Variants in CHLSN observed in about 807,000 individuals in gnomAD.
The protein encoded by CHLSN is cholesin.
the CHLSN span, among the ~76,000 whole-genome samples, chr7:1,038,251 A>G: frequency 1.3e-5 from 1 of 76,478 alleles, no homozygotes; most frequent in Admixed American, 1.3e-4. Context: ...TCCGGGAGGG[A>G]GGTGGGGGGG....
At chr7:1,035,497 C>G in the CHLSN span, among the ~76,000 whole-genome samples, 13 of 152,324 alleles carry the variant, frequency 8.5e-5, no homozygotes, top group East Asian at 2.3e-3. Context: ...CAATAAACCT[C>G]GAACCAAAGA....
At chr7:1,077,248 C>T in the CHLSN span, among the ~76,000 whole-genome samples, 1,059 of 152,330 alleles carry the variant, frequency 7.0e-3, 36 homozygotes, top group Admixed American at 0.057. Flanking sequence ...CTCCGCCTCC[C>T]GGGTTCACAC....
the CHLSN span, among the ~76,000 whole-genome samples, chr7:1,109,731 A>C: frequency 7.1e-6 from 1 of 141,028 alleles, no homozygotes; most frequent in African/African-American, 2.7e-5. Flanking sequence ...CTCCCCACTC[A>C]CCCCTCCGTG....
the CHLSN span, among the ~76,000 whole-genome samples, chr7:1,002,235 T>C: frequency 5.1e-4 from 34 of 66,330 alleles, no homozygotes; most frequent in South Asian, 6.8e-4. Context: ...GTGAGTGGAG[T>C]CCTGCGGGTG....
the CHLSN span, chr7:985,435 C>G: frequency 8.1e-7 from 1 of 1,236,358 alleles, no homozygotes; most frequent in Non-Finnish European, 1.1e-6. Context: ...GCCCTCCCAC[C>G]TTGCAAAAGG....
the CHLSN span, chr7:997,868 G>T: frequency 6.9e-7 from 1 of 1,450,450 alleles, no homozygotes; most frequent in Non-Finnish European, 9.4e-7. Context: ...AACAGCAGGA[G>T]ACAAGACGCT....
chr7:1,057,067 G>A, the CHLSN span, among the ~76,000 whole-genome samples: 2 of 152,102 alleles, frequency 1.3e-5, no homozygotes, highest in Admixed American at 6.5e-5. Context: ...AGGGAGGGAG[G>A]CTCAGGGCTG....
At chr7:1,078,451 A>G in the CHLSN span, among the ~76,000 whole-genome samples, 1 of 152,108 alleles carries the variant, frequency 6.6e-6, no homozygotes, top group African/African-American at 2.4e-5. Flanking sequence ...ACCTGGGGTT[A>G]AATCTTCCAC....
At chr7:1,086,447 T>C in the CHLSN span, among the ~76,000 whole-genome samples, 1 of 152,228 alleles carries the variant, frequency 6.6e-6, no homozygotes, top group Non-Finnish European at 1.5e-5. Flanking sequence ...ATTAGAGTTG[T>C]CAACTTTCTA....
chr7:1,127,101 A>G, the CHLSN span, among the ~76,000 whole-genome samples: 4 of 152,300 alleles, frequency 2.6e-5, no homozygotes, highest in Non-Finnish European at 5.9e-5. Flanking sequence ...TTTGTCCTAC[A>G]ATCGCTTCTG....
the CHLSN span, among the ~76,000 whole-genome samples, chr7:1,016,848 CACAGCAGCACA>C: frequency 1.8e-4 from 17 of 92,432 alleles, 3 homozygotes; most frequent in Non-Finnish European, 3.2e-4. Flanking sequence ...CACGCCAGCA[CACAGCAGCACA>C]CAGCACACAG....
the CHLSN span, among the ~76,000 whole-genome samples, chr7:1,028,105 G>A: frequency 6.7e-6 from 1 of 148,288 alleles, no homozygotes; most frequent in South Asian, 2.1e-4. Context: ...GGCCGGCCCG[G>A]GGTCTGCAGG....
the CHLSN span, among the ~76,000 whole-genome samples, chr7:1,067,924 GCA>G: frequency 2.0e-5 from 3 of 152,000 alleles, no homozygotes; most frequent in African/African-American, 7.3e-5. Flanking sequence ...AGGGTTTGGG[GCA>G]CAGTTTTCAC....
the CHLSN span, among the ~76,000 whole-genome samples, chr7:1,030,693 T>C: frequency 4.0e-5 from 6 of 151,842 alleles, no homozygotes; most frequent in Admixed American, 1.3e-4. Context: ...TGGGACTCTC[T>C]CCCCAGGCAG....
At chr7:1,112,477 G>GC in the CHLSN span, among the ~76,000 whole-genome samples, 4 of 152,308 alleles carry the variant, frequency 2.6e-5, no homozygotes, top group South Asian at 8.3e-4. Context: ...CCACAGGAGT[G>GC]CCCCACACAG....
At chr7:1,092,747 A>G in the CHLSN span, 1 of 1,613,610 alleles carries the variant, frequency 6.2e-7, no homozygotes, top group South Asian at 1.1e-5. Flanking sequence ...CTGTACATTG[A>G]GCAGAAAACA....
the CHLSN span, among the ~76,000 whole-genome samples, chr7:1,006,595 G>A: frequency 8.8e-6 from 1 of 113,350 alleles, no homozygotes; most frequent in Non-Finnish European, 1.8e-5. Flanking sequence ...GGGAAAGAGC[G>A]CACGACGGCC....
the CHLSN span, chr7:1,137,277 C>A: frequency 6.5e-6 from 1 of 152,722 alleles, no homozygotes; most frequent in Non-Finnish European, 1.5e-5. Context: ...CCTTTCCATT[C>A]TCAAAACCCC....
chr7:1,110,925 A>C, the CHLSN span, among the ~76,000 whole-genome samples: 1 of 152,208 alleles, frequency 6.6e-6, no homozygotes, highest in Non-Finnish European at 1.5e-5. Context: ...AAATTAAAGC[A>C]ATCACGCCAG....
Sources: allele counts gnomAD v4.1 joint callset (sites outside exome capture counted in the v4.1 genomes callset), GRCh38; gene constraint gnomAD v4.1.1; transcripts MANE v1.5; gene names NCBI Gene and HGNC (gene_info 2026-07-23, HGNC 2026-07-21).